Variants in EAF2 observed in about 807,000 individuals in gnomAD.
EAF2 encodes ELL associated factor 2.
EAF2 carries 29 observed loss-of-function variants against 29.4 expected under a neutral mutation model. The ratio of observed to expected loss-of-function variants is 0.99; its 90% CI spans 0.73 to 1.35. The LOEUF (loss-of-function observed/expected upper bound fraction) is 1.35. Ranked by LOEUF, EAF2 falls within the 40% of genes most tolerant of loss-of-function variation. The pLI, the probability that EAF2 is intolerant of heterozygous loss-of-function variation, is 0.00. For synonymous variants in EAF2, 103 were observed against 102.5 expected, an observed-to-expected ratio of 1.00 and a Z score of -0.03; for missense variants, 292 against 312.0, an observed-to-expected ratio of 0.94 and a Z score of 0.48.
chr3:121,881,100 T>C (rs535118113), intron 5 of EAF2, among the ~76,000 whole-genome samples: 1 of 152,326 alleles, frequency 6.6e-6, no homozygotes, highest in African/African-American at 2.4e-5. Context: ...GAATGATCCT[T>C]TTAATGTGCT....
Position 121,877,157 on chromosome 3 carries a change from T to G in EAF2, c.736+4369T>G, listed in dbSNP as rs550839965. On this transcript the variant is annotated intron_variant, in intron 5 of 5. Transcript: ENST00000273668. ...GAAAATGTTCAGTTCACCTGGAAGATAAACAATTCTGAATTTGTATGCATG... is the reference window on the plus strand; with the variant it reads ...GAAAATGTTCAGTTCACCTGGAAGAGAAACAATTCTGAATTTGTATGCATG... Among the ~76,000 whole-genome samples, 9 of 152,094 alleles carry G rather than the reference T, an allele frequency of 5.9e-5. No homozygotes were observed. The South Asian group carries it at 1.9e-3, about 32-fold the overall frequency.
intron 5 of EAF2, among the ~76,000 whole-genome samples, chr3:121,881,217 T>G (rs1352224111): frequency 6.6e-6 from 1 of 152,208 alleles, no homozygotes; most frequent in East Asian, 1.9e-4. Flanking sequence ...AGGGTAATGC[T>G]GGCCTCATAG....
chr3:121,871,133 A>G (rs1381169302), intron 4 of EAF2, among the ~76,000 whole-genome samples: 5 of 151,864 alleles, frequency 3.3e-5, no homozygotes, highest in Non-Finnish European at 5.9e-5. Flanking sequence ...CCAAATATCC[A>G]TAAGTAGAAA....
chr3:121,844,617 G>A, intron 2 of EAF2, 70 bp downstream of exon 2: 1 of 1,056,818 alleles, frequency 9.5e-7, no homozygotes, highest in South Asian at 1.5e-5. Context: ...GAAAATAATT[G>A]CACAATTTGT....
At chr3:121,858,515 C>G (rs71618048) in intron 4 of EAF2, among the ~76,000 whole-genome samples, 1 of 151,956 alleles carries the variant, frequency 6.6e-6, no homozygotes, top group Non-Finnish European at 1.5e-5. Flanking sequence ...TTGATGGAGT[C>G]GTTTGTTTTT....
At position 121,868,728 on chromosome 3, in the gene EAF2, AC is replaced by A. The variant is rs1345827828; in HGVS notation, c.485-3808del. ...GAACTGAGAAAAACGTGAAGCAAAA[AC>A]TGCTAGAACTGAAAAGAGAAATCTG... On this transcript the variant is annotated intron_variant, in intron 4 of 5. Transcript: ENST00000273668. 2.6e-5 allele frequency among the ~76,000 whole-genome samples: 4 copies of A among 152,332 alleles called. No homozygotes were observed. In the East Asian group the frequency reaches 7.7e-4, roughly 29 times the overall value.
chr3:121,873,221 C>T (rs1357076765), intron 5 of EAF2: 10 of 529,500 alleles, frequency 1.9e-5, no homozygotes, highest in Non-Finnish European at 3.3e-5. Context: ...ACATCATCTC[C>T]CATCATCTCA....
intron 4 of EAF2, among the ~76,000 whole-genome samples, chr3:121,869,317 A>G (rs1708974126): frequency 6.6e-6 from 1 of 152,228 alleles, no homozygotes; most frequent in African/African-American, 2.4e-5. Context: ...TAGGAAAAGA[A>G]AAGCAGATTA....
Position 121,872,778 on chromosome 3 carries a change from G to T in EAF2, c.726G>T (p.Met242Ile). The T allele has an allele frequency of 6.2e-7, 1 of 1,610,604 alleles. No homozygotes were observed. Among genetic ancestry groups the T allele is most frequent in the Non-Finnish European group, 8.5e-7 (1 of 1,178,162 alleles). The change falls in exon 5 of 6, where the codon ATG becomes ATT. Residue 242 changes from methionine (M) to isoleucine (I), a missense_variant. Physicochemically the swap from Met to Ile is conservative, Grantham distance 10 (BLOSUM62 1). Transcript: ENST00000273668. Reference sequence around the variant, plus strand: ...TTCGAGACAACAGTGGCCTTCTGATGAATACTTTAAGTAAGTATACATAAA... The same window carrying T: ...TTCGAGACAACAGTGGCCTTCTGATTAATACTTTAAGTAAGTATACATAAA... ...NRFRDNSGLL[M>I]NTLRNDLQLS...
intron 5 of EAF2, among the ~76,000 whole-genome samples, chr3:121,874,953 A>G: frequency 6.6e-6 from 1 of 151,804 alleles, no homozygotes; most frequent in East Asian, 1.9e-4. Flanking sequence ...AGGTATAATA[A>G]TATAATGAGA....
At chr3:121,840,189 G>GA (rs35521886) in intron 1 of EAF2, among the ~76,000 whole-genome samples, 1,842 of 69,568 alleles carry the variant, frequency 0.026, 39 homozygotes, top group East Asian at 0.03. Context: ...ATTCTCTCAG[G>GA]AAAAAAAAAA....
intron 1 of EAF2, chr3:121,837,454 C>T (rs1708324412): frequency 6.6e-6 from 1 of 152,172 alleles, no homozygotes; most frequent in Non-Finnish European, 1.5e-5. Flanking sequence ...TATAAGACTT[C>T]AGGCAAACCC....
intron 2 of EAF2, among the ~76,000 whole-genome samples, chr3:121,844,821 A>T (rs1217807438): frequency 2.0e-5 from 3 of 152,248 alleles, no homozygotes; most frequent in African/African-American, 7.2e-5. Context: ...CAGATTTTAA[A>T]CACTGACCTT....
chr3:121,881,892 C>G (rs1253523583), intron 5 of EAF2, among the ~76,000 whole-genome samples: 1 of 151,886 alleles, frequency 6.6e-6, no homozygotes, highest in Non-Finnish European at 1.5e-5. Context: ...TATAATTTAC[C>G]AAATCACAAC....
At chr3:121,879,268 A>G (rs150583277) in intron 5 of EAF2, among the ~76,000 whole-genome samples, 12 of 152,098 alleles carry the variant, frequency 7.9e-5, no homozygotes, top group South Asian at 2.1e-4. Context: ...TTGAATTTCT[A>G]TATATTCTGG....
chr3:121,835,539 C>T (rs540733645), intron 1 of EAF2, 148 bp downstream of exon 1: 5 of 706,578 alleles, frequency 7.1e-6, no homozygotes, highest in South Asian at 5.1e-5. Context: ...GATCCTCTAA[C>T]CTGCTCGGAG....
rs113142711 is a variant in EAF2, at chr3:121,864,375, C to T, written c.484+7219C>T. Reference sequence around the variant, plus strand: ...AAGTCCAGAACCCTTGGCGATACAACGGGTCTTGAATTTTATTTTTTTTTA... The same window carrying T: ...AAGTCCAGAACCCTTGGCGATACAATGGGTCTTGAATTTTATTTTTTTTTA... On this transcript the variant is annotated intron_variant, in intron 4 of 5. Transcript: ENST00000273668. 5.6e-3 allele frequency among the ~76,000 whole-genome samples: 849 copies of T among 152,210 alleles called. 5 individuals are homozygous for T. Among genetic ancestry groups the T allele is most frequent in the African/African-American group, 0.014 (589 of 41,514 alleles).
intron 1 of EAF2, among the ~76,000 whole-genome samples, chr3:121,839,040 A>T (rs1283136433): frequency 6.6e-6 from 1 of 152,222 alleles, no homozygotes; most frequent in Non-Finnish European, 1.5e-5. Flanking sequence ...ATTAAAATTG[A>T]TAGTATATTG....
chr3:121,859,643 C>G (rs1463686632), intron 4 of EAF2, among the ~76,000 whole-genome samples: 1 of 152,038 alleles, frequency 6.6e-6, no homozygotes, highest in African/African-American at 2.4e-5. Context: ...TCCTCTTTTC[C>G]CAATTGAATA....
Sources: gnomAD v4.1 joint callset for allele counts (sites outside exome capture counted in the v4.1 genomes callset) on GRCh38, gnomAD v4.1.1 for gene constraint, MANE v1.5 for transcripts, NCBI Gene and HGNC (gene_info 2026-07-23, HGNC 2026-07-21) for gene names.